VRK3: variants seen among roughly 807,000 people sequenced by gnomAD.
The protein encoded by VRK3 is serine/threonine-protein kinase VRK3.
Under a neutral mutation model 60.4 loss-of-function variants are expected in VRK3, and 50 were observed. That is an observed-to-expected ratio of 0.83 (90% CI 0.66 to 1.05). The LOEUF is 1.05. Ranked by LOEUF, VRK3 falls within the 50% of genes least tolerant of loss-of-function variation. The pLI, the probability that VRK3 is intolerant of heterozygous loss-of-function variation, is 0.00. For synonymous variants in VRK3, 246 were observed against 227.8 expected (o/e 1.08, Z -0.72); for missense variants, 549 against 585.3 (o/e 0.94, Z 0.64).
intron 1 of VRK3, among the ~76,000 whole-genome samples, chr19:50,023,970 A>G (rs899880912): frequency 2.0e-5 from 3 of 152,162 alleles, no homozygotes; most frequent in African/African-American, 7.2e-5. Context: ...GAGTTTTGCT[A>G]TGTCACCCAG....
chr19:50,023,422 T>A (rs1456212677), intron 1 of VRK3, among the ~76,000 whole-genome samples: 2 of 152,214 alleles, frequency 1.3e-5, no homozygotes, highest in Non-Finnish European at 2.9e-5. Flanking sequence ...TGACCTCAGG[T>A]GATCCCCCTC....
chr19:50,024,009 C>T (rs2077216923), intron 1 of VRK3, among the ~76,000 whole-genome samples: 1 of 152,250 alleles, frequency 6.6e-6, no homozygotes, highest in South Asian at 2.1e-4. Flanking sequence ...GACCTCAGCT[C>T]ACTTGCAACC....
rs565037837 is a variant in VRK3, at chr19:50,007,833, G to A, written c.290-7C>T. On this transcript the variant is annotated splice_polypyrimidine_tract_variant and splice_region_variant and intron_variant, in intron 4 of 14. Transcript: ENST00000316763. ...GGGGGTCTGCTCCCGGAGCCTGCAG[G>A]AGGATGTAAGAATAAAGTAAAAGCA... 6.2e-7 allele frequency: 1 copy of A among 1,613,954 alleles called. No homozygotes were observed.
At chr19:49,982,179 C>T in intron 12 of VRK3, 1 of 702,930 alleles carries the variant, frequency 1.4e-6, no homozygotes, top group African/African-American at 1.7e-5. Flanking sequence ...AAAATGAATC[C>T]CAAGGCAACC....
At chr19:50,007,536 C>T (rs1568803999) in intron 5 of VRK3, 33 bp downstream of exon 5, 8 of 1,610,326 alleles carry the variant, frequency 5.0e-6, no homozygotes, top group Non-Finnish European at 5.9e-6. Context: ...GCTGAGACGA[C>T]CCAGTCCCTG....
chr19:49,978,814 G>A lies in VRK3; in HGVS notation c.*11+269C>T, dbSNP rs971574097. ...TATTTTTGAGGCCCTGAATCCCGTT[G>A]TGCCTGAAGCTCCCCCTTGTAATTT... is the stretch of plus-strand genomic sequence containing the variant. On this transcript the variant is annotated intron_variant, in intron 14 of 14. Transcript: ENST00000316763. The A allele has an allele frequency of 1.4e-5, 5 of 346,272 alleles. No individual in the cohort carries two copies. The South Asian group carries it at 3.2e-4, about 22-fold the overall frequency. 21.4% of individuals were successfully genotyped at this position (346,272 alleles called of 1,614,324 possible).
chr19:50,019,366 C>CCTTTTTTT (rs1555854630), intron 2 of VRK3: 1 of 148,724 alleles, frequency 6.7e-6, no homozygotes. Flanking sequence ...CCATGCCTGG[C>CCTTTTTTT]TAATTAAAAA....
At chr19:49,979,415 C>T (rs973516724) in intron 13 of VRK3, among the ~76,000 whole-genome samples, 173 bp from the exon 14 acceptor site, 3 of 152,162 alleles carry the variant, frequency 2.0e-5, no homozygotes, top group African/African-American at 7.2e-5. Flanking sequence ...AATTGTTTTT[C>T]AGTTTTGGAA....
chr19:49,986,945 T>C (rs575737782), intron 12 of VRK3: 1 of 152,392 alleles, frequency 6.6e-6, no homozygotes, highest in East Asian at 1.9e-4. Context: ...TGGAATGCAG[T>C]GGCGAGAGCT....
chr19:50,018,960 T>A (rs1470524859), intron 2 of VRK3: 3 of 149,900 alleles, frequency 2.0e-5, no homozygotes, highest in Non-Finnish European at 4.4e-5. Flanking sequence ...GGTCAGGAGA[T>A]CGAGACCATC....
chr19:49,993,576 T>G (rs1431075401), intron 9 of VRK3, among the ~76,000 whole-genome samples: 1 of 152,096 alleles, frequency 6.6e-6, no homozygotes, highest in Admixed American at 6.5e-5. Flanking sequence ...TTTTTTGTAT[T>G]TTTATTAGAG....
At chr19:49,997,824 A>C (rs554685399) in intron 6 of VRK3, 5 of 396,948 alleles carry the variant, frequency 1.3e-5, no homozygotes, top group Non-Finnish European at 1.8e-5. Context: ...TCAGCATAAA[A>C]ACTACGTTTC....
intron 12 of VRK3, among the ~76,000 whole-genome samples, chr19:49,987,330 T>C (rs530496967): frequency 6.6e-6 from 1 of 152,120 alleles, no homozygotes; most frequent in Admixed American, 6.5e-5. Flanking sequence ...CCCTTTTGTG[T>C]CCCGCTGCCT....
intron 12 of VRK3, among the ~76,000 whole-genome samples, chr19:49,985,231 A>G (rs1250422986): frequency 1.3e-5 from 2 of 152,136 alleles, no homozygotes; most frequent in Admixed American, 1.3e-4. Context: ...CTTCATTTCA[A>G]AAGAAACCTG....
chr19:49,980,365 G>A (rs1261643204), intron 13 of VRK3, among the ~76,000 whole-genome samples: 2 of 152,142 alleles, frequency 1.3e-5, no homozygotes, highest in East Asian at 1.9e-4. Flanking sequence ...TGGCCCCAGG[G>A]TTAAGTGAAA....
Position 50,009,224 on chromosome 19 carries a change from C to T in VRK3, c.289+12G>A. The stretch of plus-strand genomic sequence containing the variant: ...CACTTAAGAGTCAGGCCAGATAGAC[C>T]TTAACTCTTACCTTTGGATCTCTCA... On this transcript the variant is annotated intron_variant, in intron 4 of 14. Transcript: ENST00000316763. 1 of 1,613,124 alleles carries T rather than the reference C, an allele frequency of 6.2e-7. No homozygotes were observed.
intron 9 of VRK3, 92 bp from the exon 10 acceptor site, chr19:49,993,044 G>T: frequency 8.4e-7 from 1 of 1,193,342 alleles, no homozygotes; most frequent in Non-Finnish European, 1.2e-6. Flanking sequence ...CACTATTAAG[G>T]CCTGGGGTTG....
Position 49,994,810 on chromosome 19 carries a change from G to C in VRK3, c.870+4C>G. ...CGGCAGCTGAGCAACTTCTGGGTAC[G>C]CACCAGCCGGCAGGCCACCTGCAGC... is the stretch of plus-strand genomic sequence containing the variant. On this transcript the variant is annotated splice_donor_region_variant and intron_variant, in intron 9 of 14. Coordinates refer to ENST00000316763, the MANE Select transcript of VRK3 (RefSeq NM_016440.4). 6.2e-7 allele frequency: 1 copy of C among 1,612,032 alleles called. No homozygotes were observed. Among genetic ancestry groups the C allele is most frequent in the Non-Finnish European group, 8.5e-7 (1 of 1,178,818 alleles).
chr19:50,019,909 C>T (rs2077144108), intron 2 of VRK3, among the ~76,000 whole-genome samples: 1 of 151,518 alleles, frequency 6.6e-6, no homozygotes, highest in Non-Finnish European at 1.5e-5. Context: ...GACAGAGTTT[C>T]ACTCTGTCAC....
Sources: allele counts gnomAD v4.1 joint callset (sites outside exome capture counted in the v4.1 genomes callset), GRCh38; gene constraint gnomAD v4.1.1; transcripts MANE v1.5; gene names NCBI Gene and HGNC (gene_info 2026-07-23, HGNC 2026-07-21).